The following CPNE4 variants were observed in gnomAD, a reference collection of about 807,000 sequenced individuals.
CPNE4 encodes the protein copine-4.
CPNE4 carries 25 observed loss-of-function variants against 67.9 expected under a neutral mutation model. That is an observed-to-expected ratio of 0.37 (90% confidence interval 0.27 to 0.51). The LOEUF is 0.51. Ranked by LOEUF, CPNE4 falls within the 20% of genes least tolerant of loss-of-function variation. The pLI, the probability that CPNE4 is intolerant of heterozygous loss-of-function variation, is 0.93. For synonymous variants in CPNE4, 242 were observed against 244.9 expected (o/e 0.99, Z 0.11); for missense variants, 464 against 690.8 (o/e 0.67, Z 3.68).
intron 1 of CPNE4, among the ~76,000 whole-genome samples, chr3:131,949,352 T>C (rs2071651648): frequency 6.6e-6 from 1 of 152,216 alleles, no homozygotes; most frequent in African/African-American, 2.4e-5. Flanking sequence ...ATGTTCCACT[T>C]AGATTAAAAT....
chr3:131,828,001 G>A (rs759941693), intron 2 of CPNE4, among the ~76,000 whole-genome samples: 1 of 151,906 alleles, frequency 6.6e-6, no homozygotes, highest in East Asian at 1.9e-4. Flanking sequence ...ATTTCAATGA[G>A]GGAGAAAGAA....
At chr3:131,717,268 C>T (rs563635403) in intron 3 of CPNE4, among the ~76,000 whole-genome samples, 7 of 150,576 alleles carry the variant, frequency 4.6e-5, no homozygotes, top group Non-Finnish European at 8.8e-5. Flanking sequence ...AAGACAACAT[C>T]GAGTTCACAC....
At chr3:131,795,018 A>G (rs2083882524) in intron 2 of CPNE4, among the ~76,000 whole-genome samples, 1 of 152,114 alleles carries the variant, frequency 6.6e-6, no homozygotes, top group South Asian at 2.1e-4. Context: ...TGGCAGTACT[A>G]CTATTTTGGT....
At chr3:131,961,486 C>T (rs1238774289) in intron 1 of CPNE4, among the ~76,000 whole-genome samples, 1 of 152,156 alleles carries the variant, frequency 6.6e-6, no homozygotes, top group Admixed American at 6.5e-5. Context: ...AGGAATTGAG[C>T]CACACACAGG....
At chr3:132,019,858 A>G (rs2073956358) in intron 1 of CPNE4, among the ~76,000 whole-genome samples, 2 of 152,188 alleles carry the variant, frequency 1.3e-5, no homozygotes, top group Admixed American at 6.5e-5. Flanking sequence ...GATAAAGTCT[A>G]TTTATGCAAC....
intron 7 of CPNE4, among the ~76,000 whole-genome samples, chr3:131,623,897 A>G (rs1189371228): frequency 6.6e-6 from 1 of 152,258 alleles, no homozygotes; most frequent in African/African-American, 2.4e-5. Context: ...TATTCATTCA[A>G]TCGGTAATGG....
At chr3:131,949,465 T>C (rs569926948) in intron 1 of CPNE4, among the ~76,000 whole-genome samples, 79 of 152,184 alleles carry the variant, frequency 5.2e-4, no homozygotes, top group Non-Finnish European at 6.8e-4. Flanking sequence ...CGAAAAGATA[T>C]GCAAAGTTTT....
At position 131,935,121 on chromosome 3, in the gene CPNE4, G is replaced by A. The variant is rs537106688; in HGVS notation, c.-1-29677C>T. Among the ~76,000 whole-genome samples the A allele has an allele frequency of 1.3e-3, 191 of 152,254 alleles. 2 individuals carry two copies. The highest frequency in any genetic ancestry group is 2.3e-3 in the Non-Finnish European group (156 of 68,016). The stretch of plus-strand genomic sequence containing the variant: ...AGATGTTTGTTGGTGCTTATGAATT[G>A]ACAATGATACCATCCTTCCCCCATG... On this transcript the variant is annotated intron_variant, in intron 1 of 15. Transcript: ENST00000429747.
intron 7 of CPNE4, among the ~76,000 whole-genome samples, chr3:131,653,663 A>AT (rs2079874053): frequency 6.6e-6 from 1 of 151,944 alleles, no homozygotes; most frequent in Non-Finnish European, 1.5e-5. Flanking sequence ...ACCTTGTCAT[A>AT]TTTTTTCCTG....
At chr3:131,577,902 CT>C (rs1937589351) in intron 9 of CPNE4, among the ~76,000 whole-genome samples, 4 of 152,112 alleles carry the variant, frequency 2.6e-5, no homozygotes, top group African/African-American at 9.7e-5. Flanking sequence ...CAGAGCATGA[CT>C]GTATATATAC....
intron 2 of CPNE4, among the ~76,000 whole-genome samples, chr3:131,901,185 C>T (rs1332940029): frequency 6.6e-6 from 1 of 152,066 alleles, no homozygotes; most frequent in Non-Finnish European, 1.5e-5. Flanking sequence ...TCCTTGCCTT[C>T]TGACTGTCTA....
At chr3:132,006,665 G>A (rs73208157) in intron 1 of CPNE4, among the ~76,000 whole-genome samples, 4 of 53,990 alleles carry the variant, frequency 7.4e-5, no homozygotes, top group African/African-American at 2.5e-4. Flanking sequence ...ATTTTTTTTT[G>A]TTGTTGTTCT....
At chr3:131,891,418 G>A (rs1388641699) in intron 2 of CPNE4, among the ~76,000 whole-genome samples, 1 of 149,044 alleles carries the variant, frequency 6.7e-6, no homozygotes, top group Non-Finnish European at 1.5e-5. Context: ...ATCAAGCTAC[G>A]AGTTTTTTTT....
At chr3:132,035,888 G>A (rs1033995288), upstream of CPNE4, among the ~76,000 whole-genome samples, 1 of 152,148 alleles carries the variant, frequency 6.6e-6, no homozygotes, top group Non-Finnish European at 1.5e-5. Context: ...GTGGAGGGGA[G>A]ATGGAAGGTC....
chr3:132,032,700 A>G (rs2074261651), intron 1 of CPNE4, among the ~76,000 whole-genome samples: 1 of 151,330 alleles, frequency 6.6e-6, no homozygotes, highest in Non-Finnish European at 1.5e-5. Context: ...TGCCAGAGTG[A>G]CTTTGTCAGT....
At chr3:131,569,123 T>C (rs139655830) in intron 10 of CPNE4, among the ~76,000 whole-genome samples, 1 of 152,144 alleles carries the variant, frequency 6.6e-6, no homozygotes, top group African/African-American at 2.4e-5. Flanking sequence ...ACTTACTTGG[T>C]TCATTTTCTG....
chr3:131,551,260 C>T (rs1389803324), intron 13 of CPNE4, among the ~76,000 whole-genome samples: 1 of 152,076 alleles, frequency 6.6e-6, no homozygotes, highest in Non-Finnish European at 1.5e-5. Context: ...TGGCCCTGCC[C>T]CAAAGCCTAT....
intron 11 of CPNE4, among the ~76,000 whole-genome samples, chr3:131,562,684 A>G (rs1042789241): frequency 6.6e-6 from 1 of 151,950 alleles, no homozygotes; most frequent in African/African-American, 2.4e-5. Context: ...AGAAGTTTCC[A>G]ATGTAGTGGA....
chr3:132,014,151 G>A (rs1371603823), intron 1 of CPNE4, among the ~76,000 whole-genome samples: 1 of 152,176 alleles, frequency 6.6e-6, no homozygotes, highest in East Asian at 1.9e-4. Context: ...CCAGTGAAGA[G>A]TCTTGGAAGA....
Sources: allele counts gnomAD v4.1 joint callset (sites outside exome capture counted in the v4.1 genomes callset), GRCh38; gene constraint gnomAD v4.1.1; transcripts MANE v1.5; gene names NCBI Gene and HGNC (gene_info 2026-07-23, HGNC 2026-07-21).